DENND1A: variants seen among roughly 807,000 people sequenced by gnomAD.
The protein encoded by DENND1A is DENN domain-containing protein 1A.
Under a neutral mutation model 113.7 loss-of-function variants are expected in DENND1A, and 51 were observed. The ratio of observed to expected loss-of-function variants is 0.45; its 90% CI spans 0.36 to 0.57. The LOEUF is 0.57. DENND1A is among the 20% of genes least tolerant of loss of function. The pLI, the probability that DENND1A is intolerant of heterozygous loss-of-function variation, is 0.00. For missense variants in DENND1A, 1,258 were observed against 1,395.9 expected (o/e 0.90, Z 1.57); for synonymous variants, 565 against 570.8 (o/e 0.99, Z 0.14).
rs186843617 is a variant in DENND1A, at chr9:123,735,554, C to T, written c.302+22149G>A. The stretch of plus-strand genomic sequence containing the variant: ...TGATTTCCTCAGGTCGTCCGTGACA[C>T]ATACCACACTCAGTATTTGCCTGAT... On this transcript the variant is annotated intron_variant, in intron 5 of 23. Transcript: ENST00000394215. 2.7e-3 allele frequency among the ~76,000 whole-genome samples: 408 copies of T among 152,336 alleles called. 4 individuals are homozygous for T. Among genetic ancestry groups the T allele is most frequent in the Non-Finnish European group, 4.6e-3 (315 of 68,032 alleles).
rs187084228 is a variant in DENND1A at position 123,811,406 on chromosome 9, A to C, written c.89-18776T>G. 9.8e-5 allele frequency among the ~76,000 whole-genome samples: 15 copies of C among 152,334 alleles called. No individual in the cohort carries two copies. The East Asian group carries it at 2.5e-3, about 25-fold the overall frequency. ...AAAGTAATTTGGTACAATTTTCTGC[A>C]GCACAAATAGAATGAATTTTAAATT... On this transcript the variant is annotated intron_variant, in intron 2 of 23. Coordinates refer to ENST00000394215, the MANE Select transcript of DENND1A (RefSeq NM_001352964.2).
chr9:123,628,068 C>G (rs1564843001), intron 10 of DENND1A, among the ~76,000 whole-genome samples: 1 of 152,022 alleles, frequency 6.6e-6, no homozygotes, highest in Admixed American at 6.5e-5. Context: ...GGAGCAGAGA[C>G]AGGGACTCAG....
intron 5 of DENND1A, among the ~76,000 whole-genome samples, chr9:123,724,232 A>C (rs1191324424): frequency 6.6e-6 from 1 of 152,212 alleles, no homozygotes; most frequent in Non-Finnish European, 1.5e-5. Context: ...AATAGAAAAG[A>C]AGCACAACTC....
intron 3 of DENND1A, among the ~76,000 whole-genome samples, chr9:123,789,144 G>T (rs1283924862): frequency 1.3e-5 from 2 of 150,802 alleles, no homozygotes; most frequent in Non-Finnish European, 2.9e-5. Flanking sequence ...CAGGTTTAAA[G>T]ATAGCAGGCT....
intron 11 of DENND1A, among the ~76,000 whole-genome samples, chr9:123,587,810 T>C (rs2059253769): frequency 6.6e-6 from 1 of 152,214 alleles, no homozygotes; most frequent in South Asian, 2.1e-4. Flanking sequence ...TCTGTAGCAA[T>C]AGTTTCAGGG....
chr9:123,751,511 C>A (rs2070026914), intron 5 of DENND1A: 2 of 152,194 alleles, frequency 1.3e-5, no homozygotes, highest in African/African-American at 4.8e-5. Flanking sequence ...AAAACCCAAG[C>A]ACATTTCACA....
At chr9:123,687,986 T>C (rs1465799191) in intron 5 of DENND1A, among the ~76,000 whole-genome samples, 1 of 152,264 alleles carries the variant, frequency 6.6e-6, no homozygotes, top group African/African-American at 2.4e-5. Flanking sequence ...TGCAAGCACA[T>C]TGACTGCTGT....
At chr9:123,565,710 G>A (rs1215418800) in intron 12 of DENND1A, among the ~76,000 whole-genome samples, 1 of 152,124 alleles carries the variant, frequency 6.6e-6, no homozygotes, top group African/African-American at 2.4e-5. Flanking sequence ...AAAAACATTG[G>A]CTCCCTCTGC....
chr9:123,602,086 C>A (rs1349711499), intron 11 of DENND1A, among the ~76,000 whole-genome samples: 5 of 152,188 alleles, frequency 3.3e-5, no homozygotes, highest in Non-Finnish European at 7.3e-5. Context: ...AAATTACAGT[C>A]GTCTCTCAGT....
intron 13 of DENND1A, among the ~76,000 whole-genome samples, chr9:123,525,209 T>C (rs1024483113): frequency 6.6e-6 from 1 of 152,172 alleles, no homozygotes; most frequent in East Asian, 1.9e-4. Flanking sequence ...TCTATTTCTA[T>C]GGAAAGGCTG....
At chr9:123,548,270 A>C (rs1386244764) in intron 13 of DENND1A, among the ~76,000 whole-genome samples, 1 of 152,240 alleles carries the variant, frequency 6.6e-6, no homozygotes, top group Non-Finnish European at 1.5e-5. Flanking sequence ...AATGTTAATT[A>C]GCAAGTTACC....
At chr9:123,848,260 A>C (rs1335491231) in intron 2 of DENND1A, among the ~76,000 whole-genome samples, 1 of 149,154 alleles carries the variant, frequency 6.7e-6, no homozygotes, top group Non-Finnish European at 1.5e-5. Flanking sequence ...AAAAAAAACA[A>C]ATTGAAAGTA....
chr9:123,792,235 T>C (rs1365863143), intron 3 of DENND1A, among the ~76,000 whole-genome samples: 2 of 152,234 alleles, frequency 1.3e-5, no homozygotes, highest in Non-Finnish European at 1.5e-5. Flanking sequence ...TTTGTTACAC[T>C]GCTTCTTGAC....
chr9:123,569,532 C>T (rs139633676), intron 12 of DENND1A: 4 of 152,356 alleles, frequency 2.6e-5, no homozygotes, highest in East Asian at 1.9e-4. Context: ...ATAAAATCCT[C>T]GATCGTTGAC....
intron 11 of DENND1A, among the ~76,000 whole-genome samples, chr9:123,583,841 A>G (rs545181127): frequency 9.8e-5 from 15 of 152,352 alleles, no homozygotes; most frequent in African/African-American, 3.6e-4. Flanking sequence ...AATGGCTCAG[A>G]AGCTCTGGCC....
intron 5 of DENND1A, among the ~76,000 whole-genome samples, chr9:123,691,837 T>C (rs997332145): frequency 6.6e-6 from 1 of 152,120 alleles, no homozygotes; most frequent in African/African-American, 2.4e-5. Flanking sequence ...GTTCCAAAAA[T>C]GAGGGCCTCC....
At chr9:123,564,775 G>A (rs928605019) in intron 12 of DENND1A, among the ~76,000 whole-genome samples, 4 of 152,226 alleles carry the variant, frequency 2.6e-5, no homozygotes, top group Admixed American at 6.5e-5. Context: ...TATGTGAATA[G>A]TGGCTACCAT....
chr9:123,786,989 A>G (rs1006739389), intron 3 of DENND1A, among the ~76,000 whole-genome samples: 3 of 152,188 alleles, frequency 2.0e-5, no homozygotes, highest in Non-Finnish European at 2.9e-5. Flanking sequence ...GTTCAATTCC[A>G]TTCTTTGTGA....
intron 20 of DENND1A, among the ~76,000 whole-genome samples, chr9:123,408,906 T>C (rs1161995514): frequency 6.6e-6 from 1 of 152,222 alleles, no homozygotes; most frequent in Admixed American, 6.5e-5. Flanking sequence ...GCTTCCAAGA[T>C]TCCCTGCCCG....
Sources: allele counts gnomAD v4.1 joint callset (sites outside exome capture counted in the v4.1 genomes callset), GRCh38; gene constraint gnomAD v4.1.1; transcripts MANE v1.5; gene names NCBI Gene and HGNC (gene_info 2026-07-23, HGNC 2026-07-21).